The following GPC6 variants were observed in gnomAD, a reference collection of about 807,000 sequenced individuals.
The protein encoded by GPC6 is glypican 6, also known as glypican-6.
A neutral mutation model predicts 55.2 loss-of-function variants in GPC6; 14 were observed. The observed-to-expected ratio is 0.25, with a 90% CI of 0.17 to 0.40. The LOEUF (loss-of-function observed/expected upper bound fraction) is 0.40. Among genes scored for constraint, GPC6 ranks in the 10% least tolerant of loss-of-function variants. The pLI is 1.00. For synonymous variants in GPC6, 278 were observed against 259.6 expected, an observed-to-expected ratio of 1.07 and a Z score of -0.68; for missense variants, 641 against 708.5, an observed-to-expected ratio of 0.90 and a Z score of 1.08.
chr13:93,853,634 G>A (rs1888494870), intron 3 of GPC6, among the ~76,000 whole-genome samples: 1 of 151,314 alleles, frequency 6.6e-6, no homozygotes, highest in Non-Finnish European at 1.5e-5. Context: ...TCTTATCCTT[G>A]TGTTAGTCAA....
chr13:94,238,538 C>A (rs1048554377), intron 4 of GPC6, among the ~76,000 whole-genome samples: 2 of 152,156 alleles, frequency 1.3e-5, no homozygotes, highest in Admixed American at 6.6e-5. Flanking sequence ...TTGGAGGGCA[C>A]GTTGGCCACT....
chr13:93,894,442 C>A (rs760240403), intron 3 of GPC6, among the ~76,000 whole-genome samples: 4 of 152,030 alleles, frequency 2.6e-5, no homozygotes, highest in African/African-American at 4.8e-5. Context: ...GAAGTTCATA[C>A]ATCTCATTAT....
At chr13:93,902,794 C>T (rs1393135333) in intron 3 of GPC6, among the ~76,000 whole-genome samples, 1 of 152,038 alleles carries the variant, frequency 6.6e-6, no homozygotes, top group Admixed American at 6.6e-5. Context: ...AGTGATGTTC[C>T]GCATTTTTTC....
At chr13:94,199,598 G>A (rs569471035) in intron 4 of GPC6, among the ~76,000 whole-genome samples, 1 of 152,336 alleles carries the variant, frequency 6.6e-6, no homozygotes, top group Admixed American at 6.5e-5. Context: ...ACACTCTGCT[G>A]TGTTTCCTTA....
intron 1 of GPC6, among the ~76,000 whole-genome samples, chr13:93,515,970 C>A (rs12866798): frequency 0.37 from 56,714 of 151,986 alleles, 13,037 homozygotes; most frequent in Middle Eastern, 0.55. Context: ...TTATGTAAGT[C>A]ATTTCCTAAA....
At chr13:94,172,003 T>A (rs1888585212) in intron 4 of GPC6, among the ~76,000 whole-genome samples, 1 of 152,200 alleles carries the variant, frequency 6.6e-6, no homozygotes, top group Admixed American at 6.5e-5. Flanking sequence ...AATTTTTTTT[T>A]AGGAGGCCAG....
chr13:93,925,067 A>T (rs768693924), intron 3 of GPC6, among the ~76,000 whole-genome samples: 6 of 152,222 alleles, frequency 3.9e-5, no homozygotes, highest in Non-Finnish European at 8.8e-5. Flanking sequence ...CAAATATTAC[A>T]CACAGCACAG....
In GPC6 at chr13:93,683,994, C is replaced by T. The variant is rs529873170; in HGVS notation, c.319+138573C>T. ...ACAGAAGAAGCAAGCTCTCTCATGA[C>T]CCTTTTAAGGGCACTAGTACCATTG... On this transcript the variant is annotated intron_variant, in intron 2 of 8. Transcript: ENST00000377047. Among the ~76,000 whole-genome samples the T allele has an allele frequency of 2.6e-4, 39 of 152,192 alleles. No homozygotes were observed. The South Asian group carries it at 8.1e-3, about 32-fold the overall frequency.
chr13:93,431,164 T>A (rs1344172604), intron 1 of GPC6, among the ~76,000 whole-genome samples: 1 of 152,156 alleles, frequency 6.6e-6, no homozygotes, highest in Non-Finnish European at 1.5e-5. Context: ...AAATTAGTAT[T>A]TCTAATGCCA....
intron 2 of GPC6, among the ~76,000 whole-genome samples, chr13:93,597,026 A>AAAG (rs1877785102): frequency 7.0e-6 from 1 of 142,014 alleles, no homozygotes; most frequent in African/African-American, 2.9e-5. Flanking sequence ...AAAAAAAAAA[A>AAAG]AAAAGAAAAG....
intron 4 of GPC6, among the ~76,000 whole-genome samples, chr13:94,173,648 G>C (rs1359989108): frequency 6.6e-6 from 1 of 152,134 alleles, no homozygotes; most frequent in East Asian, 1.9e-4. Flanking sequence ...GCCCAAGCTA[G>C]CACACCTCAA....
intron 4 of GPC6, among the ~76,000 whole-genome samples, chr13:94,223,588 A>T (rs963867289): frequency 1.3e-5 from 2 of 152,122 alleles, no homozygotes; most frequent in Non-Finnish European, 2.9e-5. Flanking sequence ...GCGTAGCTCC[A>T]TGAGGATAAA....
intron 2 of GPC6, among the ~76,000 whole-genome samples, chr13:93,711,996 C>T (rs1323046213): frequency 1.3e-5 from 2 of 151,656 alleles, no homozygotes; most frequent in African/African-American, 4.8e-5. Flanking sequence ...GATTTTCCCT[C>T]CCTACTGATG....
At chr13:94,022,176 A>C (rs1161721789) in intron 3 of GPC6, among the ~76,000 whole-genome samples, 1 of 152,034 alleles carries the variant, frequency 6.6e-6, no homozygotes, top group Non-Finnish European at 1.5e-5. Context: ...TGTACATTAG[A>C]TCTTTCAAAT....
chr13:93,380,767 G>C (rs1875130792), intron 1 of GPC6, among the ~76,000 whole-genome samples: 1 of 152,082 alleles, frequency 6.6e-6, no homozygotes, highest in South Asian at 2.1e-4. Context: ...TCTTTGTCCT[G>C]TTCCCTCTTT....
At chr13:93,474,798 C>T (rs1181341255) in intron 1 of GPC6, among the ~76,000 whole-genome samples, 1 of 152,130 alleles carries the variant, frequency 6.6e-6, no homozygotes, top group Non-Finnish European at 1.5e-5. Context: ...CCCATCTTAC[C>T]TGGGGTCGAA....
chr13:94,027,966 G>C, intron 4 of GPC6, 72 bp downstream of exon 4: 3 of 1,364,200 alleles, frequency 2.2e-6, no homozygotes, highest in Non-Finnish European at 3.1e-6. Context: ...TTGATGGGTG[G>C]GTCAGAAGTT....
At chr13:94,384,918 C>A (rs1305739974) in intron 7 of GPC6, among the ~76,000 whole-genome samples, 5 of 152,186 alleles carry the variant, frequency 3.3e-5, no homozygotes, top group African/African-American at 1.2e-4. Context: ...TCCACCAGTC[C>A]ATCAGCAGTA....
chr13:93,780,550 C>T lies in GPC6; in HGVS notation c.320-49604C>T, dbSNP rs145524959. Among the ~76,000 whole-genome samples the T allele has an allele frequency of 3.3e-5, 5 of 150,858 alleles. No individual in the cohort carries two copies. The East Asian group carries it at 9.9e-4, about 30-fold the overall frequency. ...CTGGCACTCTAACTATATGAAATTT[C>T]ATTAAATTAACCTTAATGACTTTAT... On this transcript the variant is annotated intron_variant, in intron 2 of 8. Transcript: ENST00000377047.
Sources: gnomAD v4.1 joint callset for allele counts (sites outside exome capture counted in the v4.1 genomes callset) on GRCh38, gnomAD v4.1.1 for gene constraint, MANE v1.5 for transcripts, NCBI Gene and HGNC (gene_info 2026-07-23, HGNC 2026-07-21) for gene names.